Variants in NRXN1 observed in about 807,000 individuals in gnomAD.
NRXN1 encodes the protein neurexin-1.
NRXN1 carries 39 observed loss-of-function variants against 150.9 expected under a neutral mutation model. The observed-to-expected ratio is 0.26, with a 90% CI of 0.20 to 0.34. NRXN1 has a LOEUF of 0.34. Among genes scored for constraint, NRXN1 ranks in the 10% least tolerant of loss-of-function variants. The pLI is 1.00. For missense variants in NRXN1, 1,815 were observed against 1,949.9 expected (o/e 0.93, Z 1.30); for synonymous variants, 924 against 757.0 (o/e 1.22, Z -3.62).
intron 22 of NRXN1, among the ~76,000 whole-genome samples, chr2:49,924,952 G>A (rs932973585): frequency 6.6e-6 from 1 of 152,068 alleles, no homozygotes; most frequent in African/African-American, 2.4e-5. Flanking sequence ...CTTCAAATCT[G>A]AAGGCTAAGT....
At chr2:49,967,032 G>T (rs1677083909) in intron 21 of NRXN1, among the ~76,000 whole-genome samples, 1 of 151,482 alleles carries the variant, frequency 6.6e-6, no homozygotes, top group Non-Finnish European at 1.5e-5. Flanking sequence ...TTAGGCAATT[G>T]GTGGATTCTC....
chr2:50,357,759 C>T (rs2037387), intron 17 of NRXN1, among the ~76,000 whole-genome samples: 87,227 of 152,048 alleles, frequency 0.57, 27,375 homozygotes, highest in East Asian at 0.92. Flanking sequence ...TGGTTTGCTT[C>T]AGAAGTAGCA....
intron 2 of NRXN1, among the ~76,000 whole-genome samples, chr2:51,001,074 C>T (rs1356482647): frequency 1.3e-5 from 2 of 151,874 alleles, no homozygotes; most frequent in Non-Finnish European, 2.9e-5. Context: ...ATTAGAATGC[C>T]TTTCCCCATT....
At chr2:50,009,305 A>C in intron 21 of NRXN1, among the ~76,000 whole-genome samples, 1 of 152,244 alleles carries the variant, frequency 6.6e-6, no homozygotes, top group South Asian at 2.1e-4. Context: ...TAAGCATAGA[A>C]CGTTCTCACT....
At chr2:50,577,421 C>A (rs1440828347) in intron 8 of NRXN1, among the ~76,000 whole-genome samples, 1 of 151,020 alleles carries the variant, frequency 6.6e-6, no homozygotes, top group East Asian at 1.9e-4. Context: ...TCTCATTAGA[C>A]CTTTATGATT....
chr2:50,103,011 CCAAT>C (rs745678711), intron 18 of NRXN1, among the ~76,000 whole-genome samples: 4 of 152,110 alleles, frequency 2.6e-5, no homozygotes, highest in Middle Eastern at 3.4e-3. Flanking sequence ...AAAAAATTTT[CCAAT>C]CAGAGAACAG....
intron 5 of NRXN1, among the ~76,000 whole-genome samples, chr2:50,906,562 G>A (rs1333093441): frequency 2.6e-5 from 4 of 152,036 alleles, no homozygotes; most frequent in African/African-American, 9.7e-5. Context: ...CTTTGGTTCT[G>A]CATTTTTTAA....
intron 5 of NRXN1, among the ~76,000 whole-genome samples, chr2:50,724,260 T>C (rs1334767385): frequency 3.3e-5 from 5 of 152,166 alleles, no homozygotes; most frequent in Admixed American, 2.0e-4. Context: ...ATAAGGTGCT[T>C]TAATCATCCT....
intron 5 of NRXN1, among the ~76,000 whole-genome samples, chr2:50,810,213 G>C (rs1339287361): frequency 6.6e-6 from 1 of 152,066 alleles, no homozygotes; most frequent in Non-Finnish European, 1.5e-5. Context: ...CTTTAATATG[G>C]TAAAGGTGTT....
At chr2:49,934,916 C>T (rs1176210424) in intron 22 of NRXN1, among the ~76,000 whole-genome samples, 1 of 152,160 alleles carries the variant, frequency 6.6e-6, no homozygotes, top group Non-Finnish European at 1.5e-5. Flanking sequence ...TAAAGCACTG[C>T]TCCTGTCTTA....
chr2:50,397,730 T>C (rs1046392198), intron 17 of NRXN1, among the ~76,000 whole-genome samples: 2 of 152,154 alleles, frequency 1.3e-5, no homozygotes, highest in African/African-American at 4.8e-5. Flanking sequence ...AGGAAATCTG[T>C]TGTGTTTAGA....
At chr2:50,754,461 C>T (rs529215761) in intron 5 of NRXN1, among the ~76,000 whole-genome samples, 8 of 151,870 alleles carry the variant, frequency 5.3e-5, no homozygotes, top group African/African-American at 1.9e-4. Flanking sequence ...TTTCATTATG[C>T]CATACAAAAT....
chr2:50,069,587 A>T (rs1695894234), intron 19 of NRXN1, among the ~76,000 whole-genome samples: 1 of 152,196 alleles, frequency 6.6e-6, no homozygotes, highest in Non-Finnish European at 1.5e-5. Flanking sequence ...AAACTAACTT[A>T]TGGTGCCTTG....
intron 16 of NRXN1, among the ~76,000 whole-genome samples, chr2:50,465,921 G>A (rs907953233): frequency 2.0e-5 from 3 of 151,750 alleles, no homozygotes; most frequent in Admixed American, 2.0e-4. Context: ...TCTGACCAAT[G>A]AATAGAGACA....
intron 2 of NRXN1, among the ~76,000 whole-genome samples, chr2:50,942,191 G>A (rs1460760517): frequency 6.6e-6 from 1 of 152,204 alleles, no homozygotes; most frequent in Non-Finnish European, 1.5e-5. Context: ...GTTGAGCTTT[G>A]GAGCCACTGC....
intron 21 of NRXN1, among the ~76,000 whole-genome samples, chr2:50,004,448 G>A (rs947548867): frequency 5.9e-5 from 9 of 152,106 alleles, no homozygotes; most frequent in Admixed American, 4.6e-4. Context: ...GTTTTTGGAA[G>A]CATTTTATTT....
intron 18 of NRXN1, among the ~76,000 whole-genome samples, chr2:50,171,396 G>A (rs566615533): frequency 4.6e-5 from 7 of 151,114 alleles, no homozygotes. Flanking sequence ...TTTAGGAAAT[G>A]AGTAGGCCTC....
chr2:50,599,350 G>T (rs1343769504), intron 8 of NRXN1, among the ~76,000 whole-genome samples: 1 of 152,224 alleles, frequency 6.6e-6, no homozygotes, highest in Non-Finnish European at 1.5e-5. Flanking sequence ...AATAAATTGT[G>T]CCTTTAGAAG....
intron 5 of NRXN1, among the ~76,000 whole-genome samples, chr2:50,827,860 G>A (rs1038322997): frequency 6.7e-6 from 1 of 149,476 alleles, no homozygotes; most frequent in Non-Finnish European, 1.5e-5. Context: ...ATCTTGCACC[G>A]CCCTTAATCC....
Sources: allele counts gnomAD v4.1 joint callset (sites outside exome capture counted in the v4.1 genomes callset), GRCh38; gene constraint gnomAD v4.1.1; transcripts MANE v1.5; gene names NCBI Gene and HGNC (gene_info 2026-07-23, HGNC 2026-07-21).